The following ERGIC1 variants were observed in gnomAD, a reference collection of about 807,000 sequenced individuals.
ERGIC1 encodes endoplasmic reticulum-golgi intermediate compartment 1, also known as endoplasmic reticulum-Golgi intermediate compartment protein 1.
ERGIC1 carries 19 observed loss-of-function variants against 38.3 expected under a neutral mutation model. That is an observed-to-expected ratio of 0.50 (90% CI 0.35 to 0.73). The LOEUF is 0.73. Ranked by LOEUF, ERGIC1 falls within the 30% of genes least tolerant of loss-of-function variation. The pLI is 0.01. For missense variants in ERGIC1, 294 were observed against 389.2 expected, an observed-to-expected ratio of 0.76 and a Z score of 2.06; for synonymous variants, 124 against 157.6, an observed-to-expected ratio of 0.79 and a Z score of 1.60.
At chr5:172,932,307 TTGG>T in intron 7 of ERGIC1, 126 bp from the exon 8 acceptor site, 1 of 795,540 alleles carries the variant, frequency 1.3e-6, no homozygotes, top group South Asian at 1.7e-5. Context: ...GAGCAGTTGG[TTGG>T]TGGTAAAACT....
intron 4 of ERGIC1, 119 bp from the exon 5 acceptor site, chr5:172,914,595 G>A: frequency 6.5e-7 from 1 of 1,547,162 alleles, no homozygotes; most frequent in Non-Finnish European, 8.9e-7. Flanking sequence ...AGCTCCTGGA[G>A]GTCCCCAGCC....
At chr5:172,877,090 C>T (rs1762154283) in intron 1 of ERGIC1, among the ~76,000 whole-genome samples, 1 of 152,172 alleles carries the variant, frequency 6.6e-6, no homozygotes, top group South Asian at 2.1e-4. Flanking sequence ...TATAGTAAGT[C>T]TGGACATCAG....
intron 9 of ERGIC1, among the ~76,000 whole-genome samples, chr5:172,942,785 T>G (rs1764040248): frequency 6.6e-6 from 1 of 152,226 alleles, no homozygotes; most frequent in South Asian, 2.1e-4. Context: ...AAGAGGAACG[T>G]GAGACCGAGT....
chr5:172,874,328 G>T (rs531556793), intron 1 of ERGIC1, among the ~76,000 whole-genome samples: 4 of 152,072 alleles, frequency 2.6e-5, no homozygotes, highest in Non-Finnish European at 5.9e-5. Context: ...TGATCCACCC[G>T]CCTCGGCCTC....
intron 7 of ERGIC1, among the ~76,000 whole-genome samples, chr5:172,930,396 G>C (rs1315006031): frequency 6.6e-6 from 1 of 151,160 alleles, no homozygotes; most frequent in Non-Finnish European, 1.5e-5. Flanking sequence ...TGTTGCCCAG[G>C]CTGGAGTGCA....
intron 1 of ERGIC1, among the ~76,000 whole-genome samples, chr5:172,850,004 C>T (rs114588127): frequency 6.6e-6 from 1 of 152,128 alleles, no homozygotes; most frequent in Non-Finnish European, 1.5e-5. Context: ...GGTGAGAGAA[C>T]CGAGGTGGCG....
At chr5:172,838,995 CT>C (rs983747256) in intron 1 of ERGIC1, among the ~76,000 whole-genome samples, 2 of 152,056 alleles carry the variant, frequency 1.3e-5, no homozygotes, top group African/African-American at 4.8e-5. Context: ...AATCCCAGCA[CT>C]TTGGGAGGCT....
chr5:172,897,139 G>T, intron 3 of ERGIC1, 65 bp downstream of exon 3: 2 of 1,529,770 alleles, frequency 1.3e-6, no homozygotes, highest in South Asian at 1.1e-5. Context: ...GAAGAGGGAG[G>T]GGTCTTTGGC....
intron 5 of ERGIC1, among the ~76,000 whole-genome samples, chr5:172,919,645 T>C (rs888699): frequency 0.19 from 28,395 of 152,188 alleles, 2,816 homozygotes; most frequent in South Asian, 0.22. Flanking sequence ...GTTCCTCATC[T>C]GTAGAATGGG....
At chr5:172,836,823 T>C (rs746764878) in intron 1 of ERGIC1, among the ~76,000 whole-genome samples, 1 of 152,098 alleles carries the variant, frequency 6.6e-6, no homozygotes, top group Non-Finnish European at 1.5e-5. Context: ...TATACACACT[T>C]TGGGGTGCAG....
chr5:172,850,734 T>A (rs1452940563), intron 1 of ERGIC1, among the ~76,000 whole-genome samples: 1 of 152,170 alleles, frequency 6.6e-6, no homozygotes, highest in Non-Finnish European at 1.5e-5. Context: ...AACCCCTCTT[T>A]TCTTCCTGCA....
At chr5:172,853,274 G>A (rs1761457509) in intron 1 of ERGIC1, among the ~76,000 whole-genome samples, 1 of 152,192 alleles carries the variant, frequency 6.6e-6, no homozygotes, top group Non-Finnish European at 1.5e-5. Flanking sequence ...GCAGCCACAG[G>A]AGTCCTGGCC....
intron 1 of ERGIC1, among the ~76,000 whole-genome samples, chr5:172,875,634 G>T (rs1460443828): frequency 5.9e-5 from 9 of 152,140 alleles, no homozygotes; most frequent in Non-Finnish European, 1.3e-4. Flanking sequence ...TCATCCTGTT[G>T]CCCAGGCTGG....
At chr5:172,930,254 C>G (rs770665666) in intron 7 of ERGIC1, among the ~76,000 whole-genome samples, 2 of 150,974 alleles carry the variant, frequency 1.3e-5, no homozygotes, top group Admixed American at 6.6e-5. Context: ...ATAAACATGT[C>G]TGGCAGTTTA....
chr5:172,862,997 A>G (rs1211226343), intron 1 of ERGIC1, among the ~76,000 whole-genome samples: 1 of 152,176 alleles, frequency 6.6e-6, no homozygotes, highest in Non-Finnish European at 1.5e-5. Flanking sequence ...ACATATATAC[A>G]TACATACGAA....
chr5:172,883,752 C>T (rs187869798), intron 1 of ERGIC1, among the ~76,000 whole-genome samples: 18 of 152,164 alleles, frequency 1.2e-4, no homozygotes, highest in Admixed American at 2.0e-4. Flanking sequence ...GAGGCCGAGG[C>T]GGGCAGATCG....
Position 172,923,986 on chromosome 5 carries a change from ACT to A in ERGIC1, c.376-17_376-16del. On this transcript the variant is annotated splice_polypyrimidine_tract_variant and intron_variant, in intron 5 of 9. Transcript: ENST00000393784. ...TGGAGAAGTCAACCAAACTCCTGAA[ACT>A]CACATTTCTCCCCCAGGTCCCCGGC... is the stretch of plus-strand genomic sequence containing the variant. 7 of 1,612,686 alleles carry A rather than the reference ACT, an allele frequency of 4.3e-6. No homozygotes were observed. Among genetic ancestry groups the A allele is most frequent in the East Asian group, 2.2e-5 (1 of 44,826 alleles).
At chr5:172,911,190 C>G (rs921318464) in intron 4 of ERGIC1, among the ~76,000 whole-genome samples, 4 of 152,222 alleles carry the variant, frequency 2.6e-5, no homozygotes, top group African/African-American at 7.2e-5. Flanking sequence ...TAGGAAGAGT[C>G]TCAGCCCTGT....
chr5:172,853,483 C>T (rs1234260651), intron 1 of ERGIC1, among the ~76,000 whole-genome samples: 3 of 152,194 alleles, frequency 2.0e-5, no homozygotes, highest in Admixed American at 2.0e-4. Flanking sequence ...GCCTCGATCC[C>T]CACAGCAGCC....
Sources: gnomAD v4.1 joint callset for allele counts (sites outside exome capture counted in the v4.1 genomes callset) on GRCh38, gnomAD v4.1.1 for gene constraint, MANE v1.5 for transcripts, NCBI Gene and HGNC (gene_info 2026-07-23, HGNC 2026-07-21) for gene names.